The following SLX4IP variants were observed in gnomAD, a reference collection of about 807,000 sequenced individuals.
SLX4IP encodes protein SLX4IP.
Under a neutral mutation model 32.9 loss-of-function variants are expected in SLX4IP, and 34 were observed. That is an observed-to-expected ratio of 1.03 (90% CI 0.79 to 1.38). SLX4IP has a LOEUF of 1.38. Ranked by LOEUF, SLX4IP falls within the 40% of genes most tolerant of loss-of-function variation. SLX4IP has a pLI of 0.00. For synonymous variants in SLX4IP, 172 were observed against 171.7 expected (o/e 1.00, Z -0.01); for missense variants, 444 against 479.0 (o/e 0.93, Z 0.68).
Position 10,454,002 on chromosome 20 carries a change from G to A in SLX4IP, c.-29-4174G>A, listed in dbSNP as rs540120999. ...TGTCTTCTGATAGTTCTCTTTTTTTGTTGCTGTCATTTTTTGCTTTATGGC... is the reference window on the plus strand; with the variant it reads ...TGTCTTCTGATAGTTCTCTTTTTTTATTGCTGTCATTTTTTGCTTTATGGC... On this transcript the variant is annotated intron_variant, in intron 1 of 7. Transcript: ENST00000334534. Among the ~76,000 whole-genome samples, 15 of 151,718 alleles carry A rather than the reference G, an allele frequency of 9.9e-5. No individual in the cohort carries two copies. In the South Asian group the frequency reaches 3.1e-3, roughly 32 times the overall value.
At chr20:10,573,886 G>C (rs1474131468) in intron 4 of SLX4IP, among the ~76,000 whole-genome samples, 2 of 152,196 alleles carry the variant, frequency 1.3e-5, no homozygotes, top group East Asian at 3.8e-4. Flanking sequence ...CACATGTAAA[G>C]CTTGAAAGGG....
intron 1 of SLX4IP, among the ~76,000 whole-genome samples, chr20:10,436,133 G>T (rs1392153549): frequency 6.6e-6 from 1 of 152,010 alleles, no homozygotes; most frequent in African/African-American, 2.4e-5. Context: ...AACGATATTT[G>T]TAAGCCAGTT....
chr20:10,607,462 C>T (rs1308444091), intron 6 of SLX4IP, among the ~76,000 whole-genome samples: 2 of 152,220 alleles, frequency 1.3e-5, no homozygotes, highest in Admixed American at 6.5e-5. Context: ...TCTCTTAAGT[C>T]ACACTACTGT....
At chr20:10,494,033 G>A (rs756435293) in intron 2 of SLX4IP, among the ~76,000 whole-genome samples, 3 of 151,492 alleles carry the variant, frequency 2.0e-5, no homozygotes, top group Non-Finnish European at 2.9e-5. Context: ...TGAGATGATC[G>A]TATTTTATCC....
intron 2 of SLX4IP, among the ~76,000 whole-genome samples, chr20:10,542,631 C>T (rs1486090748): frequency 2.6e-5 from 4 of 152,212 alleles, no homozygotes; most frequent in Non-Finnish European, 4.4e-5. Context: ...GTTAAGGCAG[C>T]CTAACATGAA....
chr20:10,625,923 G>C lies in SLX4IP; in HGVS notation c.*2544G>C, dbSNP rs941839213. Reference sequence around the variant, plus strand: ...TATTTGGAAGTACAAAGGGGTAAATGGATGCCAGGGGTTTTTTGTTGTTGT... The same window carrying C: ...TATTTGGAAGTACAAAGGGGTAAATCGATGCCAGGGGTTTTTTGTTGTTGT... On this transcript the variant is annotated 3_prime_UTR_variant, in exon 8 of 8. Transcript: ENST00000334534. The C allele has an allele frequency of 6.6e-6, 1 of 151,930 alleles. No homozygotes were observed. Among genetic ancestry groups the C allele is most frequent in the African/African-American group, 2.4e-5 (1 of 41,340 alleles). 9.4% of individuals were successfully genotyped at this position (151,930 alleles called of 1,614,324 possible).
At chr20:10,510,368 A>G (rs1052109577) in intron 2 of SLX4IP, among the ~76,000 whole-genome samples, 2 of 152,140 alleles carry the variant, frequency 1.3e-5, no homozygotes, top group Non-Finnish European at 2.9e-5. Flanking sequence ...TGCATGAGCC[A>G]TACTCCTTGT....
intron 4 of SLX4IP, among the ~76,000 whole-genome samples, chr20:10,594,646 C>T (rs945632399): frequency 1.3e-5 from 2 of 152,230 alleles, no homozygotes; most frequent in Non-Finnish European, 2.9e-5. Flanking sequence ...TAAATGACCA[C>T]TCCCTTAAAA....
chr20:10,590,322 C>CATTTT (rs773570451), intron 4 of SLX4IP, among the ~76,000 whole-genome samples: 2 of 151,590 alleles, frequency 1.3e-5, no homozygotes, highest in African/African-American at 4.8e-5. Context: ...CCTTGAGTAT[C>CATTTT]ATTTTATTTT....
chr20:10,619,207 CT>C lies in SLX4IP; in HGVS notation c.406-2098del, dbSNP rs895955485. The stretch of plus-strand genomic sequence containing the variant: ...CTCTTTCTTTTTTTCTTTTTCTTTT[CT>C]TTTTTTTTCTTTTTTTTTTTTTTTT... On this transcript the variant is annotated intron_variant, in intron 6 of 7. Transcript: ENST00000334534. Among the ~76,000 whole-genome samples, 137 of 142,598 alleles carry C rather than the reference CT, an allele frequency of 9.6e-4. 1 individual carries two copies. The highest frequency in any genetic ancestry group is 3.8e-3 in the Middle Eastern group (1 of 266). The allele number at this position is 142,598 out of a possible 152,430, so 93.5% of individuals were successfully genotyped here.
chr20:10,484,879 G>T (rs1233645772), intron 2 of SLX4IP, among the ~76,000 whole-genome samples: 2 of 152,010 alleles, frequency 1.3e-5, no homozygotes, highest in Non-Finnish European at 2.9e-5. Context: ...CTGTGGAGTT[G>T]GTGGTACCCA....
At chr20:10,507,674 C>T (rs1415066735) in intron 2 of SLX4IP, among the ~76,000 whole-genome samples, 3 of 152,044 alleles carry the variant, frequency 2.0e-5, no homozygotes, top group Non-Finnish European at 2.9e-5. Flanking sequence ...CACATGGATG[C>T]ATGATTTAGT....
chr20:10,479,865 G>A (rs531655775), intron 2 of SLX4IP, among the ~76,000 whole-genome samples: 7 of 151,782 alleles, frequency 4.6e-5, no homozygotes, highest in African/African-American at 1.2e-4. Flanking sequence ...TTAGCTGGGC[G>A]TGGTGGTGGG....
chr20:10,601,974 T>C (rs2122550065), intron 6 of SLX4IP, among the ~76,000 whole-genome samples, 155 bp downstream of exon 6: 2 of 152,370 alleles, frequency 1.3e-5, no homozygotes, highest in Admixed American at 1.3e-4. Context: ...TTTTACGTGG[T>C]AATATCAACT....
At chr20:10,543,058 C>T (rs2066125251) in intron 2 of SLX4IP, among the ~76,000 whole-genome samples, 1 of 152,188 alleles carries the variant, frequency 6.6e-6, no homozygotes, top group South Asian at 2.1e-4. Context: ...TATGAACCCA[C>T]CTGTCATTTC....
At chr20:10,521,586 C>A (rs1355744739) in intron 2 of SLX4IP, among the ~76,000 whole-genome samples, 1 of 152,080 alleles carries the variant, frequency 6.6e-6, no homozygotes, top group Non-Finnish European at 1.5e-5. Flanking sequence ...GAATTAAATT[C>A]AATTAAAATG....
In SLX4IP at chr20:10,625,495, TTC is replaced by T. The variant is rs1347453461; in HGVS notation, c.*2118_*2119del. 1 of 152,236 alleles carries T rather than the reference TTC, an allele frequency of 6.6e-6. No homozygotes were observed. Among genetic ancestry groups the T allele is most frequent in the Non-Finnish European group, 1.5e-5 (1 of 68,034 alleles). The allele number at this position is 152,236 out of a possible 1,614,324, so 9.4% of individuals were successfully genotyped here. The stretch of plus-strand genomic sequence containing the variant: ...GTTTGTTCTGTTGGTTTTTTGTTAT[TTC>T]TGTTTTCTTCTAATCTTTCTCTGAA... On this transcript the variant is annotated 3_prime_UTR_variant, in exon 8 of 8. Coordinates refer to ENST00000334534, the MANE Select transcript of SLX4IP (RefSeq NM_001009608.3).
chr20:10,497,432 C>CT (rs1229510027), intron 2 of SLX4IP, among the ~76,000 whole-genome samples: 1 of 152,010 alleles, frequency 6.6e-6, no homozygotes, highest in Non-Finnish European at 1.5e-5. Flanking sequence ...ATCTTTTTTG[C>CT]TTTGTACTCA....
At chr20:10,542,967 G>A (rs967926299) in intron 2 of SLX4IP, among the ~76,000 whole-genome samples, 3 of 152,154 alleles carry the variant, frequency 2.0e-5, no homozygotes, top group Admixed American at 6.5e-5. Flanking sequence ...GACCAGGGTC[G>A]AGGAAAAAGT....
Sources: allele counts gnomAD v4.1 joint callset (sites outside exome capture counted in the v4.1 genomes callset), GRCh38; gene constraint gnomAD v4.1.1; transcripts MANE v1.5; gene names NCBI Gene and HGNC (gene_info 2026-07-23, HGNC 2026-07-21).